Variants in LIMCH1 observed in about 807,000 individuals in gnomAD.
LIMCH1 encodes LIM and calponin homology domains-containing protein 1.
In LIMCH1, 113 loss-of-function variants were observed where a neutral mutation model predicts 176.5. That is an observed-to-expected ratio of 0.64 (90% CI 0.55 to 0.75). LIMCH1 has a LOEUF of 0.75. Ranked by LOEUF, LIMCH1 falls within the 30% of genes least tolerant of loss-of-function variation. LIMCH1 has a pLI of 0.00. For missense variants in LIMCH1, 1,674 were observed against 1,814.9 expected, an observed-to-expected ratio of 0.92 and a Z score of 1.41; for synonymous variants, 619 against 645.9, an observed-to-expected ratio of 0.96 and a Z score of 0.63.
Position 41,527,822 on chromosome 4 carries a change from C to CAA in LIMCH1, c.237+3370_237+3371dup, listed in dbSNP as rs34651693. Reference sequence around the variant, plus strand: ...TGGGCGACAGAGCGAGACTCCGTCTCAAAAAAAAAAAAAAAAAAAAAAAAA... The same window carrying CAA: ...TGGGCGACAGAGCGAGACTCCGTCTCAAAAAAAAAAAAAAAAAAAAAAAAAAA... On this transcript the variant is annotated intron_variant, in intron 3 of 26. Coordinates refer to the LIMCH1 transcript ENST00000313860. Among the ~76,000 whole-genome samples, 247 of 47,044 alleles carry CAA rather than the reference C, an allele frequency of 5.3e-3. 7 individuals are homozygous for CAA. Among genetic ancestry groups the CAA allele is most frequent in the Admixed American group, 0.038 (128 of 3,358 alleles). The allele number at this position is 47,044 out of a possible 152,430, so 30.9% of individuals were successfully genotyped here.
At chr4:41,653,119 T>A (rs2094356415) in intron 18 of LIMCH1, among the ~76,000 whole-genome samples, 1 of 152,196 alleles carries the variant, frequency 6.6e-6, no homozygotes. Context: ...TAAGCTAAGT[T>A]GTTAGCTGTA....
At position 41,646,282 on chromosome 4, in the gene LIMCH1, T is replaced by A. The variant is rs1421709578; in HGVS notation, c.2411+2T>A. 1 of 1,603,150 alleles carries A rather than the reference T, an allele frequency of 6.2e-7. No homozygotes were observed. The highest frequency in any genetic ancestry group is 1.7e-5 in the Admixed American group (1 of 57,160). On this transcript the variant is annotated splice_donor_variant, in intron 16 of 31. Coordinates refer to ENST00000503057, the MANE Select transcript of LIMCH1 (RefSeq NM_001330672.2). LOFTEE classifies it high-confidence loss of function. ...CTACAGAGAAATTGTTCAAGAAAAG[T>A]GAGTTCTTTCTGTTGTCGTTTTTAA...
chr4:41,634,559 A>G (rs2093481728), intron 13 of LIMCH1, among the ~76,000 whole-genome samples: 1 of 152,226 alleles, frequency 6.6e-6, no homozygotes, highest in Admixed American at 6.5e-5. Context: ...TTTTTAAAAA[A>G]TCAATACCCT....
At chr4:41,406,519 C>G (rs1158347541) in intron 1 of LIMCH1, among the ~76,000 whole-genome samples, 1 of 152,108 alleles carries the variant, frequency 6.6e-6, no homozygotes, top group Non-Finnish European at 1.5e-5. Flanking sequence ...CCCCCTCCCT[C>G]CCTCTCCAGG....
intron 1 of LIMCH1, among the ~76,000 whole-genome samples, chr4:41,430,715 A>G (rs1031403450): frequency 1.5e-4 from 23 of 152,264 alleles, no homozygotes; most frequent in Admixed American, 1.2e-3. Flanking sequence ...TTAATTTTAC[A>G]TAATGTTTGG....
intron 1 of LIMCH1, among the ~76,000 whole-genome samples, chr4:41,490,825 G>C (rs539794188): frequency 1.8e-3 from 279 of 152,262 alleles, no homozygotes; most frequent in Non-Finnish European, 3.0e-3. Context: ...TCCCAGATGG[G>C]GTGGCCTGGC....
intron 1 of LIMCH1, among the ~76,000 whole-genome samples, chr4:41,425,104 A>C (rs1445950568): frequency 1.3e-5 from 2 of 152,190 alleles, no homozygotes; most frequent in African/African-American, 4.8e-5. Context: ...GTTTGGCCTG[A>C]TACAAATTGG....
intron 1 of LIMCH1, among the ~76,000 whole-genome samples, chr4:41,569,531 G>A (rs2083240278): frequency 6.6e-6 from 1 of 152,164 alleles, no homozygotes; most frequent in Non-Finnish European, 1.5e-5. Context: ...CGAAGTAAAA[G>A]AATAGGAGGG....
At chr4:41,633,113 G>C (rs201460871) in intron 12 of LIMCH1, 28 bp downstream of exon 12, 2 of 1,452,406 alleles carry the variant, frequency 1.4e-6, no homozygotes, top group African/African-American at 2.8e-5. Flanking sequence ...GCTCTGCTCC[G>C]TGGTGTGTTG....
At chr4:41,571,316 AC>A (rs1439371075) in intron 1 of LIMCH1, among the ~76,000 whole-genome samples, 1 of 152,112 alleles carries the variant, frequency 6.6e-6, no homozygotes, top group East Asian at 1.9e-4. Context: ...GGAAGGGATG[AC>A]TTTGACAAGG....
At chr4:41,389,635 A>G (rs1469161065) in intron 1 of LIMCH1, 1 of 152,284 alleles carries the variant, frequency 6.6e-6, no homozygotes, top group Non-Finnish European at 1.5e-5. Context: ...TTGACAACCA[A>G]CCAACCAACC....
chr4:41,419,725 T>G (rs1347003995), intron 1 of LIMCH1, among the ~76,000 whole-genome samples: 2 of 142,126 alleles, frequency 1.4e-5, no homozygotes, highest in Non-Finnish European at 3.1e-5. Flanking sequence ...CCTTCCTCCT[T>G]CCTTTCTTCC....
chr4:41,494,309 A>G (rs1195302609), intron 1 of LIMCH1, among the ~76,000 whole-genome samples: 1 of 149,070 alleles, frequency 6.7e-6, no homozygotes, highest in African/African-American at 2.4e-5. Flanking sequence ...ATATAATTAT[A>G]TATATACACA....
intron 1 of LIMCH1, among the ~76,000 whole-genome samples, chr4:41,466,129 T>G (rs1481698015): frequency 6.6e-6 from 1 of 152,158 alleles, no homozygotes; most frequent in Non-Finnish European, 1.5e-5. Flanking sequence ...TGGCTAATTT[T>G]TGTATTTTTA....
chr4:41,491,676 C>T (rs2071046255), intron 1 of LIMCH1, among the ~76,000 whole-genome samples: 1 of 149,914 alleles, frequency 6.7e-6, no homozygotes, highest in Non-Finnish European at 1.5e-5. Flanking sequence ...AGACGCTCCT[C>T]ACTTCCTAGA....
intron 2 of LIMCH1, among the ~76,000 whole-genome samples, chr4:41,518,536 G>C (rs911653962): frequency 2.0e-5 from 3 of 152,146 alleles, no homozygotes; most frequent in African/African-American, 7.2e-5. Context: ...TGGAACATTA[G>C]CATCATTCCT....
intron 18 of LIMCH1, among the ~76,000 whole-genome samples, chr4:41,659,688 A>T (rs1356034802): frequency 2.0e-5 from 3 of 152,138 alleles, no homozygotes; most frequent in African/African-American, 7.2e-5. Flanking sequence ...ACCTTTTAAA[A>T]TTTATGCAAT....
At chr4:41,650,634 C>T (rs1018234125) in intron 18 of LIMCH1, 26 bp downstream of exon 18, 3 of 1,564,306 alleles carry the variant, frequency 1.9e-6, no homozygotes. Flanking sequence ...TTCCCCGCCT[C>T]CCTTTGGGAT....
At chr4:41,622,262 G>A (rs115613222) in intron 7 of LIMCH1, among the ~76,000 whole-genome samples, 4,720 of 152,160 alleles carry the variant, frequency 0.031, 246 homozygotes, top group African/African-American at 0.1. Flanking sequence ...ACTAGATGCT[G>A]AGAAGACAAA....
Sources: allele counts gnomAD v4.1 joint callset (sites outside exome capture counted in the v4.1 genomes callset), GRCh38; gene constraint gnomAD v4.1.1; transcripts MANE v1.5; gene names NCBI Gene and HGNC (gene_info 2026-07-23, HGNC 2026-07-21).